BCL9: variants seen among roughly 807,000 people sequenced by gnomAD.
BCL9 encodes BCL9 transcription coactivator.
In BCL9, 25 loss-of-function variants were observed where a neutral mutation model predicts 88.5. That is an observed-to-expected ratio of 0.28 (90% CI 0.21 to 0.39). The LOEUF (loss-of-function observed/expected upper bound fraction) is 0.39. BCL9 is among the 10% of genes least tolerant of loss of function. The pLI, the probability that BCL9 is intolerant of heterozygous loss-of-function variation, is 1.00. For missense variants in BCL9, 1,817 were observed against 1,877.8 expected, an observed-to-expected ratio of 0.97 and a Z score of 0.60; for synonymous variants, 711 against 673.3, an observed-to-expected ratio of 1.06 and a Z score of -0.87.
intron 1 of BCL9, among the ~76,000 whole-genome samples, chr1:147,566,553 G>A (rs1455020168): frequency 2.6e-5 from 4 of 151,788 alleles, no homozygotes; most frequent in Non-Finnish European, 5.9e-5. Flanking sequence ...TCCGGAGATC[G>A]AGACCATCCT....
At chr1:147,585,995 A>G (rs1553199182) in intron 1 of BCL9, among the ~76,000 whole-genome samples, 2 of 152,066 alleles carry the variant, frequency 1.3e-5, no homozygotes, top group Non-Finnish European at 2.9e-5. Context: ...CACGAGTACC[A>G]CCTGTGCTCC....
intron 3 of BCL9, among the ~76,000 whole-genome samples, chr1:147,608,317 G>A (rs1343736060): frequency 1.6e-5 from 2 of 123,138 alleles, no homozygotes; most frequent in Non-Finnish European, 3.4e-5. Flanking sequence ...TGCTAGACCT[G>A]GGTTTTGTTT....
rs920226086 is a variant in BCL9, at chr1:147,614,466, A to C, written c.410A>C (p.Gln137Pro). ...GACCACATAAAGTCCCAGGATTCCCAGCACACACCACACTCGATGACCCCA... is the reference window on the plus strand; with the variant it reads ...GACCACATAAAGTCCCAGGATTCCCCGCACACACCACACTCGATGACCCCA... ...SADHIKSQDS[Q>P]HTPHSMTPSN... is the part of the protein sequence containing the mutation. Residue 137 changes from glutamine (Q) to proline (P), a missense_variant, in exon 6 of 10, where the codon CAG (glutamine) becomes CCG (proline). This residue lies in a region of BCL9 where 1,228 missense variants were observed against 1,191.6 expected (regional missense o/e 1.03). Coordinates refer to ENST00000234739, the MANE Select transcript of BCL9 (RefSeq NM_004326.4). 1 of 1,613,992 alleles carries C rather than the reference A, an allele frequency of 6.2e-7. No individual in the cohort carries two copies.
At chr1:147,543,887 G>A (rs1432893598) in intron 1 of BCL9, among the ~76,000 whole-genome samples, 1 of 152,124 alleles carries the variant, frequency 6.6e-6, no homozygotes, top group East Asian at 1.9e-4. Context: ...GCCAACCAAA[G>A]AGAGGCACCT....
intron 1 of BCL9, among the ~76,000 whole-genome samples, chr1:147,545,166 C>A (rs10494252): frequency 0.093 from 14,102 of 152,186 alleles, 823 homozygotes; most frequent in East Asian, 0.18. Context: ...TTTCTACATA[C>A]CCAGCATTGT....
At chr1:147,553,781 C>T (rs904690057) in intron 1 of BCL9, among the ~76,000 whole-genome samples, 5 of 152,176 alleles carry the variant, frequency 3.3e-5, no homozygotes, top group African/African-American at 1.2e-4. Flanking sequence ...TAATAAGCAT[C>T]ATTAAAATAG....
At chr1:147,552,630 C>G (rs587615917) in intron 1 of BCL9, among the ~76,000 whole-genome samples, 1 of 152,072 alleles carries the variant, frequency 6.6e-6, no homozygotes, top group African/African-American at 2.4e-5. Flanking sequence ...AACAAACAAA[C>G]GAAAAGATTA....
chr1:147,596,880 A>G lies in BCL9; in HGVS notation c.-477-7897A>G, dbSNP rs368041565. Among the ~76,000 whole-genome samples, 17 of 152,310 alleles carry G rather than the reference A, an allele frequency of 1.1e-4. 1 individual carries two copies. In the South Asian group the frequency reaches 3.5e-3, roughly 32 times the overall value. On this transcript the variant is annotated intron_variant, in intron 1 of 9. Coordinates refer to ENST00000234739, the MANE Select transcript of BCL9 (RefSeq NM_004326.4). Reference sequence around the variant, plus strand: ...AAATATTAATAGTACAAGCAGCAGGAGCCCATGGACAAGCTGAGGGCTTTG... The same window carrying G: ...AAATATTAATAGTACAAGCAGCAGGGGCCCATGGACAAGCTGAGGGCTTTG...
intron 1 of BCL9, among the ~76,000 whole-genome samples, chr1:147,575,464 C>T (rs1553197972): frequency 6.6e-6 from 1 of 152,138 alleles, no homozygotes; most frequent in East Asian, 1.9e-4. Flanking sequence ...GAGTAAGAGC[C>T]AAATGAATTG....
intron 3 of BCL9, among the ~76,000 whole-genome samples, chr1:147,608,305 A>C (rs1657823896): frequency 6.8e-6 from 1 of 148,098 alleles, no homozygotes; most frequent in Admixed American, 6.7e-5. Context: ...GGGGTAATAG[A>C]ATGCTAGACC....
Position 147,620,871 on chromosome 1 carries a change from A to C in BCL9, c.2716A>C (p.Lys906Gln). The change falls in exon 8 of 10, where the codon AAG (lysine) becomes CAG (glutamine). Residue 906 changes from lysine to glutamine, a missense_variant. Lys to Gln is a moderately conservative substitution (Grantham distance 53). Around this residue, in one of 2 missense-constraint regions of BCL9, gnomAD observed 1,228 missense variants for 1,191.6 expected, o/e 1.03. Transcript: ENST00000234739. ...GGGCCCAGCTGCTGCTGCTTCCATT[A>C]AGTCCCCCCCTGTTTTGGGGTCTGC... The part of the protein sequence containing the change: ...LAGPAAAASI[K>Q]SPPVLGSAAA... The C allele has an allele frequency of 6.2e-7, 1 of 1,613,904 alleles. No individual in the cohort carries two copies. Among genetic ancestry groups the C allele is most frequent in the Non-Finnish European group, 8.5e-7 (1 of 1,179,952 alleles).
In BCL9 at chr1:147,624,998, G is replaced by C. The variant is rs782544289; in HGVS notation, c.*39G>C. ...GATGTGCCGATCCTTGTCAAGATGA[G>C]ATTCCAGGTCCTGAGAGCTGCTTTG... On this transcript the variant is annotated 3_prime_UTR_variant, in exon 10 of 10. Coordinates refer to ENST00000234739, the MANE Select transcript of BCL9 (RefSeq NM_004326.4). The surrounding 1 kb of genome is among the most constrained non-coding windows in gnomAD (Gnocchi z 4.4). The C allele has an allele frequency of 3.2e-6, 5 of 1,576,270 alleles. No individual in the cohort carries two copies. The South Asian group carries it at 5.8e-5, about 18-fold the overall frequency.
intron 3 of BCL9, among the ~76,000 whole-genome samples, chr1:147,609,546 A>G (rs1657899052): frequency 6.6e-6 from 1 of 152,254 alleles, no homozygotes; most frequent in Admixed American, 6.5e-5. Context: ...CATCTCTAAA[A>G]TGCCTGTCAA....
At chr1:147,565,567 T>TA (rs1242624234) in intron 1 of BCL9, among the ~76,000 whole-genome samples, 62 of 152,318 alleles carry the variant, frequency 4.1e-4, no homozygotes, top group African/African-American at 1.4e-3. Flanking sequence ...TCTGTTAAAT[T>TA]ACAAGTGTCC....
In BCL9 at chr1:147,583,500, A is replaced by ACTC. The variant is rs587757557; in HGVS notation, c.-477-21274_-477-21272dup. On this transcript the variant is annotated intron_variant, in intron 1 of 9. Coordinates refer to ENST00000234739, the MANE Select transcript of BCL9 (RefSeq NM_004326.4). Reference sequence around the variant, plus strand: ...ACCATGTTGGCCAGGCTGGTCTCGAACTCCTGGCCTCAGGTGATCTGTCTA... The same window carrying ACTC: ...ACCATGTTGGCCAGGCTGGTCTCGAACTCCTCCTGGCCTCAGGTGATCTGTCTA... Among the ~76,000 whole-genome samples, 1,214 of 150,296 alleles carry ACTC rather than the reference A, an allele frequency of 8.1e-3. 21 individuals are homozygous for ACTC. Among genetic ancestry groups the ACTC allele is most frequent in the African/African-American group, 0.028 (1,161 of 40,828 alleles).
intron 1 of BCL9, among the ~76,000 whole-genome samples, chr1:147,588,739 G>A (rs1381621459): frequency 6.6e-6 from 1 of 152,172 alleles, no homozygotes; most frequent in Non-Finnish European, 1.5e-5. Flanking sequence ...CGTGATTCTA[G>A]GGGTGGTCCA....
chr1:147,552,666 A>G lies in BCL9; in HGVS notation c.-478+10992A>G, dbSNP rs587674960. Among the ~76,000 whole-genome samples, 12 of 152,352 alleles carry G rather than the reference A, an allele frequency of 7.9e-5. 1 individual carries two copies. The South Asian group carries it at 2.5e-3, about 32-fold the overall frequency. ...ACAGATAATAATGCTTTTAAAGATTAGTTTCCTTGAGTGAAAGCAGAGAAA... is the reference window on the plus strand; with the variant it reads ...ACAGATAATAATGCTTTTAAAGATTGGTTTCCTTGAGTGAAAGCAGAGAAA... On this transcript the variant is annotated intron_variant, in intron 1 of 9. Transcript: ENST00000234739.
chr1:147,542,680 TTG>T (rs1402101974), intron 1 of BCL9, among the ~76,000 whole-genome samples: 2 of 152,110 alleles, frequency 1.3e-5, no homozygotes, highest in Admixed American at 1.3e-4. Context: ...CCTTTTTCTC[TTG>T]TGTCTTTTCG....
chr1:147,593,309 T>C (rs1453120063), intron 1 of BCL9, among the ~76,000 whole-genome samples: 1 of 152,246 alleles, frequency 6.6e-6, no homozygotes, highest in African/African-American at 2.4e-5. Flanking sequence ...CTGCCATTTA[T>C]TTATTTATTG....
Sources: allele counts gnomAD v4.1 joint callset (sites outside exome capture counted in the v4.1 genomes callset), GRCh38; gene constraint gnomAD v4.1.1; regional missense constraint gnomAD v4.1.1; non-coding constraint Gnocchi (gnomAD v3.1); transcripts MANE v1.5; gene names NCBI Gene and HGNC (gene_info 2026-07-23, HGNC 2026-07-21).